The following NARS2 variants were observed in gnomAD, a reference collection of about 807,000 sequenced individuals.
NARS2 encodes asparaginyl-tRNA synthetase 2, mitochondrial.
A neutral mutation model predicts 62.9 loss-of-function variants in NARS2; 60 were observed. The ratio of observed to expected loss-of-function variants is 0.95; its 90% CI spans 0.77 to 1.18. The LOEUF (loss-of-function observed/expected upper bound fraction) is 1.18, where lower values mean the gene tolerates loss of function less well. NARS2 is among the 50% of genes most tolerant of loss of function. The probability of loss-of-function intolerance (pLI) is 0.00; values close to 1 mark genes in which losing one functional copy is unlikely to be tolerated. For missense variants in NARS2, 619 were observed against 576.4 expected, an observed-to-expected ratio of 1.07 and a Z score of -0.76; for synonymous variants, 196 against 200.0, an observed-to-expected ratio of 0.98 and a Z score of 0.17.
At position 78,478,488 on chromosome 11, in the gene NARS2, A is replaced by C. The variant is rs1437860399; in HGVS notation, c.922-13T>G. ...GTTCTAATCTGTCCTTAATAAAAAG[A>C]CAAAAAAGAAAATTTTAAAAATATA... On this transcript the variant is annotated splice_polypyrimidine_tract_variant and intron_variant, in intron 8 of 13. Transcript: ENST00000281038. 1 of 1,191,376 alleles carries C rather than the reference A, an allele frequency of 8.4e-7. No homozygotes were observed. The highest frequency in any genetic ancestry group is 2.6e-5 in the East Asian group (1 of 37,892). The allele number at this position is 1,191,376 out of a possible 1,614,324, so 73.8% of individuals were successfully genotyped here.
intron 5 of NARS2, chr11:78,555,093 G>A (rs1008162070): frequency 1.3e-5 from 2 of 152,182 alleles, no homozygotes; most frequent in Non-Finnish European, 2.9e-5. Context: ...CTACTTCATG[G>A]TGGATTAAAT....
At position 78,469,052 on chromosome 11, in the gene NARS2, T is replaced by C. The variant is rs145978015; in HGVS notation, c.1026+195A>G. ...CAAATGATAAAATTTATTTTTATTC[T>C]TAATTAATTCCGTTTTAAGTATCTC... On this transcript the variant is annotated intron_variant, in intron 10 of 13. Transcript: ENST00000281038. Among the ~76,000 whole-genome samples the C allele has an allele frequency of 7.6e-3, 1,152 of 152,278 alleles. 13 individuals are homozygous for C. The highest frequency in any genetic ancestry group is 0.026 in the African/African-American group (1,094 of 41,564).
At chr11:78,451,720 G>C (rs1309133945) in intron 11 of NARS2, among the ~76,000 whole-genome samples, 1 of 152,190 alleles carries the variant, frequency 6.6e-6, no homozygotes, top group Non-Finnish European at 1.5e-5. Context: ...TAACCATAAA[G>C]CATTAGGTGC....
chr11:78,559,675 C>T, intron 4 of NARS2, 56 bp from the exon 5 acceptor site: 5 of 1,154,500 alleles, frequency 4.3e-6, no homozygotes, highest in South Asian at 1.2e-5. Flanking sequence ...ATTCCAAGAA[C>T]ACACATCCTC....
intron 6 of NARS2, among the ~76,000 whole-genome samples, chr11:78,497,308 C>A (rs1455532353): frequency 6.6e-6 from 1 of 150,890 alleles, no homozygotes. Context: ...TTTATGAAGC[C>A]CTCAAGATGG....
intron 6 of NARS2, among the ~76,000 whole-genome samples, chr11:78,502,517 C>T (rs1037888156): frequency 1.3e-5 from 2 of 152,262 alleles, no homozygotes; most frequent in Middle Eastern, 3.4e-3. Flanking sequence ...TAGGACAATA[C>T]AACATATGAA....
chr11:78,531,275 G>A (rs748961777), intron 5 of NARS2, among the ~76,000 whole-genome samples: 12 of 151,950 alleles, frequency 7.9e-5, no homozygotes, highest in African/African-American at 1.5e-4. Context: ...CAGAATATAC[G>A]TTTTTTTCAA....
At chr11:78,498,900 T>C (rs2135348231) in intron 6 of NARS2, among the ~76,000 whole-genome samples, 1 of 118,338 alleles carries the variant, frequency 8.5e-6, no homozygotes, top group South Asian at 2.9e-4. Flanking sequence ...CTTTTTTTTT[T>C]TTTTTTTTTT....
intron 6 of NARS2, among the ~76,000 whole-genome samples, chr11:78,515,403 G>A (rs909177949): frequency 6.6e-6 from 1 of 152,158 alleles, no homozygotes; most frequent in African/African-American, 2.4e-5. Context: ...GGAGAAAATG[G>A]GAAGTGACTG....
At chr11:78,570,809 C>T (rs558527595) in intron 2 of NARS2, among the ~76,000 whole-genome samples, 1 of 152,282 alleles carries the variant, frequency 6.6e-6, no homozygotes, top group East Asian at 1.9e-4. Flanking sequence ...AGATGCCATT[C>T]CTAACCTCAG....
chr11:78,478,602 T>C lies in NARS2; in HGVS notation c.904A>G (p.Ile302Val), dbSNP rs2135265598. 2 of 1,610,432 alleles carry C rather than the reference T, an allele frequency of 1.2e-6. No homozygotes were observed. Among genetic ancestry groups the C allele is most frequent in the African/African-American group, 1.3e-5 (1 of 74,938 alleles). ...CTAATTACCTTTTGGCCAGGTGCTA[T>C]GAATTTGTGACAGAGTTCAACATCT... ...PEDVELCHKF[I>V]APGQKDRLEH... is the part of the protein sequence containing the mutation. The change falls in exon 8 of 14, where the codon ATA (isoleucine) becomes GTA (valine). Residue 302 changes from isoleucine to valine, a missense_variant. Transcript: ENST00000281038.
At chr11:78,516,899 T>G (rs1860932830) in intron 6 of NARS2, among the ~76,000 whole-genome samples, 1 of 152,134 alleles carries the variant, frequency 6.6e-6, no homozygotes, top group Admixed American at 6.5e-5. Context: ...AACCAACGAT[T>G]CCATGTTACA....
chr11:78,473,214 A>C (rs1858948416), intron 9 of NARS2, among the ~76,000 whole-genome samples: 1 of 152,160 alleles, frequency 6.6e-6, no homozygotes, highest in Non-Finnish European at 1.5e-5. Flanking sequence ...CTTCCTTTCA[A>C]ACAACAAAAG....
intron 11 of NARS2, among the ~76,000 whole-genome samples, chr11:78,462,969 G>C (rs1394217557): frequency 6.6e-6 from 1 of 152,096 alleles, no homozygotes; most frequent in African/African-American, 2.4e-5. Context: ...CTGTCTCATA[G>C]ACTTTTACAA....
At chr11:78,529,848 C>T (rs570601429) in intron 5 of NARS2, among the ~76,000 whole-genome samples, 1 of 152,198 alleles carries the variant, frequency 6.6e-6, no homozygotes, top group South Asian at 2.1e-4. Flanking sequence ...AAACTGTGCA[C>T]TTATTTGAAA....
intron 5 of NARS2, among the ~76,000 whole-genome samples, chr11:78,547,528 C>T (rs766203350): frequency 2.0e-5 from 3 of 152,122 alleles, no homozygotes; most frequent in African/African-American, 4.8e-5. Context: ...GGTACTGATA[C>T]GTGAACAAAA....
At chr11:78,573,515 G>A (rs1459613510) in intron 1 of NARS2, 2 of 152,240 alleles carry the variant, frequency 1.3e-5, no homozygotes, top group Non-Finnish European at 2.9e-5. Flanking sequence ...CAGTCTGGGT[G>A]ACAGAGCTAG....
At chr11:78,572,577 A>G (rs1012404803) in intron 1 of NARS2, among the ~76,000 whole-genome samples, 5 of 152,164 alleles carry the variant, frequency 3.3e-5, no homozygotes, top group South Asian at 2.1e-4. Flanking sequence ...CTCATGCAAG[A>G]TATCTTCCTT....
At chr11:78,541,618 G>A (rs1399407656) in intron 5 of NARS2, among the ~76,000 whole-genome samples, 1 of 152,160 alleles carries the variant, frequency 6.6e-6, no homozygotes, top group Non-Finnish European at 1.5e-5. Flanking sequence ...GCTGAGGCAG[G>A]AGGATCACTT....
Sources: gnomAD v4.1 joint callset for allele counts (sites outside exome capture counted in the v4.1 genomes callset) on GRCh38, gnomAD v4.1.1 for gene constraint, MANE v1.5 for transcripts, NCBI Gene and HGNC (gene_info 2026-07-23, HGNC 2026-07-21) for gene names.